FSCN2: variants seen among roughly 807,000 people sequenced by gnomAD.
The protein encoded by FSCN2 is fascin-2.
Under a neutral mutation model 37.8 loss-of-function variants are expected in FSCN2, and 46 were observed. That is an observed-to-expected ratio of 1.22 (90% CI 0.96 to 1.56). FSCN2 has a LOEUF of 1.56. FSCN2 is among the 40% of genes most tolerant of loss of function. FSCN2 has a pLI of 0.00. For missense variants in FSCN2, 844 were observed against 730.4 expected (o/e 1.16, Z -1.79); for synonymous variants, 351 against 309.4 (o/e 1.13, Z -1.41).
chr17:81,536,965 A>G lies in FSCN2; in HGVS notation c.1364A>G (p.Glu455Gly). Residue 455 changes from glutamate to glycine, a missense_variant, in exon 5 of 5, where the codon GAG becomes GGG. Transcript: ENST00000417245. Reference sequence around the variant, plus strand: ...GAGGACTTCGTCTTCGAGTTCCGTGAGCGCGGCCGCCTGGCCATCCGCGCC... The same window carrying G: ...GAGGACTTCGTCTTCGAGTTCCGTGGGCGCGGCCGCCTGGCCATCCGCGCC... ...RAEDFVFEFR[E>G]RGRLAIRARS... 1 of 1,549,898 alleles carries G rather than the reference A, an allele frequency of 6.5e-7. No homozygotes were observed. Among genetic ancestry groups the G allele is most frequent in the Non-Finnish European group, 8.6e-7 (1 of 1,156,566 alleles).
chr17:81,522,661 G>A, the FSCN2 span, among the ~76,000 whole-genome samples: 39 of 152,380 alleles, frequency 2.6e-4, no homozygotes, highest in Non-Finnish European at 4.6e-4. Context: ...GTACACCTGT[G>A]TGTGTGTGTA....
upstream of FSCN2, among the ~76,000 whole-genome samples, chr17:81,525,425 C>CAAAAAAAAAAAAAAAAA (rs1202765459): frequency 3.2e-3 from 154 of 47,816 alleles, 6 homozygotes; most frequent in African/African-American, 0.01. Context: ...GACTCTGTCT[C>CAAAAAAAAAAAAAAAAA]AAAAAAAAAA....
intron 2 of FSCN2, 69 bp from the exon 3 acceptor site, chr17:81,536,077 G>A (rs1008869620): frequency 3.0e-5 from 47 of 1,553,498 alleles, no homozygotes; most frequent in Non-Finnish European, 7.9e-6. Context: ...ACCTGAGGAG[G>A]ATGGGGAAGT....
At chr17:81,521,295 C>T in the FSCN2 span, among the ~76,000 whole-genome samples, 1 of 151,804 alleles carries the variant, frequency 6.6e-6, no homozygotes, top group South Asian at 2.1e-4. Context: ...CTCAAACTCC[C>T]GACCTCAGGT....
intron 1 of FSCN2, among the ~76,000 whole-genome samples, chr17:81,531,324 GTGGTGGTGGTGA>G (rs2032564702): frequency 4.2e-4 from 13 of 30,658 alleles, no homozygotes; most frequent in Middle Eastern, 0.016. Context: ...GGTGATGATG[GTGGTGGTGGTGA>G]TGGTGGTGGT....
rs901630023 is a variant in FSCN2 at position 81,536,041 on chromosome 17, G to A, written c.984-105G>A. 15 of 1,402,742 alleles carry A rather than the reference G, an allele frequency of 1.1e-5. No individual in the cohort carries two copies. In the African/African-American group the frequency reaches 1.6e-4, roughly 15 times the overall value. 86.9% of individuals were successfully genotyped at this position (1,402,742 alleles called of 1,614,324 possible). ...GATGGTGGTGGGTGTGTCAGTGGAG[G>A]GCAGGCTTCTGTCCCACTCCTTGGA... On this transcript the variant is annotated intron_variant, in intron 2 of 4. Coordinates refer to ENST00000417245, the MANE Select transcript of FSCN2 (RefSeq NM_012418.4).
rs768433327 is a variant in FSCN2 at position 81,536,949 on chromosome 17, G to A, written c.1348G>A (p.Val450Ile). ...CSDGERAEDF[V>I]FEFRERGRLA... ...CGACGGCGAACGCGCCGAGGACTTC[G>A]TCTTCGAGTTCCGTGAGCGCGGCCG... is the stretch of plus-strand genomic sequence containing the variant. Residue 450 changes from valine to isoleucine, a missense_variant, in exon 5 of 5, where the codon GTC (valine) becomes ATC (isoleucine). Physicochemically the swap from Val to Ile is conservative, Grantham distance 29. Transcript: ENST00000417245. The A allele has an allele frequency of 8.0e-5, 125 of 1,566,242 alleles. No individual in the cohort carries two copies. The highest frequency in any genetic ancestry group is 9.6e-5 in the Non-Finnish European group (112 of 1,164,078).
At chr17:81,536,414 A>G (rs920489450) in intron 3 of FSCN2, 147 bp downstream of exon 3, 13 of 1,444,594 alleles carry the variant, frequency 9.0e-6, no homozygotes, top group Non-Finnish European at 1.1e-5. Flanking sequence ...GCTAGTCAAG[A>G]TAACTCGTCT....
chr17:81,516,142 C>T, the FSCN2 span, among the ~76,000 whole-genome samples: 3 of 152,372 alleles, frequency 2.0e-5, no homozygotes, highest in Non-Finnish European at 2.9e-5. Flanking sequence ...CCTCACCCAG[C>T]CTGGAGTGTC....
chr17:81,536,843 G>A, intron 4 of FSCN2, 32 bp from the exon 5 acceptor site: 1 of 1,550,740 alleles, frequency 6.4e-7, no homozygotes, highest in Non-Finnish European at 8.7e-7. Context: ...CGGGCAGGTG[G>A]GCACCCCCGC....
chr17:81,515,975 G>A, the FSCN2 span, among the ~76,000 whole-genome samples: 1 of 152,302 alleles, frequency 6.6e-6, no homozygotes, highest in Non-Finnish European at 1.5e-5. Flanking sequence ...CTCCCGAGTA[G>A]CTGAGACTAC....
chr17:81,531,158 G>T (rs1263183265), intron 1 of FSCN2, among the ~76,000 whole-genome samples: 1 of 146,976 alleles, frequency 6.8e-6, no homozygotes, highest in East Asian at 2.0e-4. Context: ...TGATGGTGAT[G>T]GTGATGATGG....
At position 81,532,741 on chromosome 17, in the gene FSCN2, TGATGACAGTGA is replaced by T. The variant is rs1200263550; in HGVS notation, c.827-2310_827-2300del. 6.5e-3 allele frequency among the ~76,000 whole-genome samples: 990 copies of T among 151,278 alleles called. 13 individuals carry two copies. The highest frequency in any genetic ancestry group is 0.023 in the African/African-American group (945 of 41,074). On this transcript the variant is annotated intron_variant, in intron 1 of 4. Coordinates refer to ENST00000417245, the MANE Select transcript of FSCN2 (RefSeq NM_012418.4). The stretch of plus-strand genomic sequence containing the variant: ...GTGGTGATAGTGATGGTGATGGTGA[TGATGACAGTGA>T]TGATGGTGATGGTGGTGATGGAGGG...
At chr17:81,529,891 G>A (rs2032492288) in intron 1 of FSCN2, among the ~76,000 whole-genome samples, 1 of 152,238 alleles carries the variant, frequency 6.6e-6, no homozygotes, top group African/African-American at 2.4e-5. Flanking sequence ...CTCACTGCAA[G>A]CGCCGCCTCA....
At position 81,535,062 on chromosome 17, in the gene FSCN2, C is replaced by G. The variant is rs1468084921; in HGVS notation, c.837C>G (p.Val279=). ...ATCTCCTCCCTCCAGGGGTCAACGT[C>G]TCAGCCAATCAGGATGATGAACTAG... ...RYVSVRQGVN[V]SANQDDELDH... Residue 279 remains valine, a synonymous_variant, in exon 2 of 5, where the codon GTC becomes GTG. Transcript: ENST00000417245. 6.5e-7 allele frequency: 1 copy of G among 1,531,738 alleles called. No homozygotes were observed. Among genetic ancestry groups the G allele is most frequent in the Non-Finnish European group, 8.7e-7 (1 of 1,144,266 alleles). 94.9% of individuals were successfully genotyped at this position (1,531,738 alleles called of 1,614,324 possible). A position where few individuals can be genotyped will look rare whatever the true frequency, so the allele number is the denominator to read the frequency against.
chr17:81,532,371 G>A (rs905132736), intron 1 of FSCN2, among the ~76,000 whole-genome samples: 143 of 125,718 alleles, frequency 1.1e-3, no homozygotes, highest in African/African-American at 4.7e-3. Flanking sequence ...GATGGTGATG[G>A]TGATGATAGT....
At position 81,529,892 on chromosome 17, in the gene FSCN2, C is replaced by T. The variant is rs553637423; in HGVS notation, c.826+535C>T. Among the ~76,000 whole-genome samples the T allele has an allele frequency of 4.6e-5, 7 of 152,372 alleles. No homozygotes were observed. The South Asian group carries it at 6.2e-4, about 14-fold the overall frequency. ...TGGCGTGATCTCGGCTCACTGCAAG[C>T]GCCGCCTCACGGGTTCACGCCATTC... On this transcript the variant is annotated intron_variant, in intron 1 of 4. Coordinates refer to ENST00000417245, the MANE Select transcript of FSCN2 (RefSeq NM_012418.4).
At chr17:81,528,090 G>A (rs547822516), upstream of FSCN2, among the ~76,000 whole-genome samples, 185 of 152,186 alleles carry the variant, frequency 1.2e-3, no homozygotes, top group Non-Finnish European at 2.0e-3. Flanking sequence ...GAGCCCACAC[G>A]GGGTTGGAGG....
rs1356648045 is a variant in FSCN2, at chr17:81,528,396, C to CA, written c.-135dup. The CA allele has an allele frequency of 3.0e-6, 2 of 664,638 alleles. No individual in the cohort carries two copies. The highest frequency in any genetic ancestry group is 5.1e-6 in the Non-Finnish European group (2 of 388,794). 41.2% of individuals were successfully genotyped at this position (664,638 alleles called of 1,614,324 possible). A position where few individuals can be genotyped will look rare whatever the true frequency, so the allele number is the denominator to read the frequency against. ...CGGGTCAGAGGCGGGTCAGAGCAGGCAGGGGGTTCGTGACGCCGGCTGGGT... is the reference window on the plus strand; with the variant it reads ...CGGGTCAGAGGCGGGTCAGAGCAGGCAAGGGGGTTCGTGACGCCGGCTGGGT... On this transcript the variant is annotated 5_prime_UTR_variant, in exon 1 of 5. Transcript: ENST00000417245.
Sources: gnomAD v4.1 joint callset for allele counts (sites outside exome capture counted in the v4.1 genomes callset) on GRCh38, gnomAD v4.1.1 for gene constraint, MANE v1.5 for transcripts, NCBI Gene and HGNC (gene_info 2026-07-23, HGNC 2026-07-21) for gene names.